POLDIP3: variants seen among roughly 807,000 people sequenced by gnomAD.
The protein encoded by POLDIP3 is polymerase delta-interacting protein 3.
A neutral mutation model predicts 45.1 loss-of-function variants in POLDIP3; 14 were observed. That is an observed-to-expected ratio of 0.31 (90% CI 0.20 to 0.49). The LOEUF is 0.49. POLDIP3 is among the 20% of genes least tolerant of loss of function. POLDIP3 has a pLI of 0.99. For missense variants in POLDIP3, 511 were observed against 538.8 expected (o/e 0.95, Z 0.51); for synonymous variants, 223 against 205.2 (o/e 1.09, Z -0.74).
chr22:42,596,450 G>C, intron 4 of POLDIP3, 85 bp from the exon 5 acceptor site: 1 of 1,336,414 alleles, frequency 7.5e-7, no homozygotes. Flanking sequence ...CTTGCTGAGA[G>C]CATGAACCCT....
intron 1 of POLDIP3, among the ~76,000 whole-genome samples, chr22:42,605,276 C>T (rs547013392): frequency 6.6e-6 from 1 of 152,320 alleles, no homozygotes; most frequent in East Asian, 1.9e-4. Flanking sequence ...TACAGGCGCC[C>T]GCCACCACGG....
chr22:42,601,104 G>A (rs943071150), intron 3 of POLDIP3, among the ~76,000 whole-genome samples: 3 of 151,926 alleles, frequency 2.0e-5, no homozygotes, highest in Non-Finnish European at 4.4e-5. Flanking sequence ...CAAAAAAAAA[G>A]AAGCGTACAT....
chr22:42,608,259 C>A (rs964159230), intron 1 of POLDIP3, among the ~76,000 whole-genome samples: 3 of 130,652 alleles, frequency 2.3e-5, no homozygotes, highest in East Asian at 2.1e-4. Flanking sequence ...CCTTACCCCC[C>A]CCCCCAAAAA....
chr22:42,586,024 G>A (rs539016655), intron 8 of POLDIP3, 56 bp from the exon 9 acceptor site: 37 of 1,494,200 alleles, frequency 2.5e-5, no homozygotes, highest in Admixed American at 6.5e-5. Flanking sequence ...TAGATGGGGA[G>A]GGGACCCACC....
chr22:42,584,883 A>G lies in POLDIP3; in HGVS notation c.*908T>C, dbSNP rs1925195579. On this transcript the variant is annotated 3_prime_UTR_variant, in exon 9 of 9. Coordinates refer to ENST00000252115, the MANE Select transcript of POLDIP3 (RefSeq NM_032311.5). ...AGCCAGGAACAAACTGACCTCTTCC[A>G]TTCAAATAAGCTCCAAACCCAAGCA... The G allele has an allele frequency of 2.2e-6, 1 of 456,150 alleles. No homozygotes were observed. Among genetic ancestry groups the G allele is most frequent in the Non-Finnish European group, 4.4e-6 (1 of 226,958 alleles). The allele number at this position is 456,150 out of a possible 1,614,324, so 28.3% of individuals were successfully genotyped here.
chr22:42,612,663 T>C (rs1009257631), intron 1 of POLDIP3, among the ~76,000 whole-genome samples: 8 of 151,950 alleles, frequency 5.3e-5, no homozygotes, highest in African/African-American at 1.7e-4. Flanking sequence ...CCATCTCTAC[T>C]AAAAATACAA....
In POLDIP3 at chr22:42,589,842, T is replaced by A. The variant is rs9620069; in HGVS notation, c.1021+2113A>T. On this transcript the variant is annotated intron_variant, in intron 7 of 8. Coordinates refer to ENST00000252115, the MANE Select transcript of POLDIP3 (RefSeq NM_032311.5). ...CTGGGTGACAGAGGGAGACTCCGTA[T>A]CAAAAAAAAAAAACAGAACCTCAGT... 1.3e-3 allele frequency among the ~76,000 whole-genome samples: 174 copies of A among 131,114 alleles called. 1 individual carries two copies. The highest frequency in any genetic ancestry group is 4.6e-3 in the African/African-American group (166 of 36,390). The allele number at this position is 131,114 out of a possible 152,430, so 86.0% of individuals were successfully genotyped here. A position where few individuals can be genotyped will look rare whatever the true frequency, so the allele number is the denominator to read the frequency against.
rs1925183152 is a variant in POLDIP3 at position 42,584,700 on chromosome 22, C to A, written c.*1091G>T. The A allele has an allele frequency of 5.6e-6, 2 of 359,436 alleles. No homozygotes were observed. Among genetic ancestry groups the A allele is most frequent in the Admixed American group, 3.8e-5 (1 of 26,502 alleles). The allele number at this position is 359,436 out of a possible 1,614,324, so 22.3% of individuals were successfully genotyped here. A position where few individuals can be genotyped will look rare whatever the true frequency, so the allele number is the denominator to read the frequency against. On this transcript the variant is annotated 3_prime_UTR_variant, in exon 9 of 9. Transcript: ENST00000252115. ...TAGAGCTGCCCTGCTCCCTTGACTC[C>A]TCCTCCTCTGCCAAGGCAGGAAAAT...
Position 42,596,246 on chromosome 22 carries a change from G to A in POLDIP3, c.753C>T (p.Thr251=), listed in dbSNP as rs1925979201. 1 of 1,614,188 alleles carries A rather than the reference G, an allele frequency of 6.2e-7. No homozygotes were observed. The highest frequency in any genetic ancestry group is 8.5e-7 in the Non-Finnish European group (1 of 1,180,028). The change falls in exon 5 of 9, where the codon ACC becomes ACT. Residue 251 remains threonine, a synonymous_variant. Transcript: ENST00000252115. The stretch of plus-strand genomic sequence containing the variant: ...TGTTCACCAGTGTCCGGGACATGTT[G>A]GTCAAGGCTTTTGTTCGAATAGAGG... ...LPSSIRTKAL[T]NMSRTLVNKE...
Position 42,585,045 on chromosome 22 carries a change from C to T in POLDIP3, c.*746G>A, listed in dbSNP as rs1328912960. 1 of 454,918 alleles carries T rather than the reference C, an allele frequency of 2.2e-6. No homozygotes were observed. Among genetic ancestry groups the T allele is most frequent in the African/African-American group, 2.0e-5 (1 of 49,962 alleles). The allele number at this position is 454,918 out of a possible 1,614,324, so 28.2% of individuals were successfully genotyped here. On this transcript the variant is annotated 3_prime_UTR_variant, in exon 9 of 9. Transcript: ENST00000252115. ...CAACACAGCCCCCTCCCAGCAAAGA[C>T]ACCCAGAAGGGAAAGAGAGCTGGGG...
intron 4 of POLDIP3, chr22:42,597,848 T>C (rs1926095941): frequency 1.4e-5 from 6 of 426,614 alleles, no homozygotes; most frequent in South Asian, 3.5e-5. Context: ...TGGCGCAATC[T>C]TGGCTCACTG....
At chr22:42,595,346 G>A (rs555864061) in intron 6 of POLDIP3, among the ~76,000 whole-genome samples, 191 bp downstream of exon 6, 87 of 152,256 alleles carry the variant, frequency 5.7e-4, no homozygotes, top group African/African-American at 2.0e-3. Context: ...CTTGTGCCTC[G>A]TTTCCCCCCG....
At chr22:42,604,844 A>C (rs746461170) in intron 1 of POLDIP3, among the ~76,000 whole-genome samples, 8 of 152,216 alleles carry the variant, frequency 5.3e-5, no homozygotes, top group Non-Finnish European at 7.3e-5. Context: ...TGTCCCCCCA[A>C]AATTCCTCTG....
chr22:42,612,414 C>T (rs1213125810), intron 1 of POLDIP3, among the ~76,000 whole-genome samples: 1 of 152,208 alleles, frequency 6.6e-6, no homozygotes, highest in Non-Finnish European at 1.5e-5. Context: ...TGGTGGTCTG[C>T]GTCTAGAGTC....
Position 42,585,819 on chromosome 22 carries a change from T to A in POLDIP3, c.1238A>T (p.Gln413Leu). ...FKSSGASVTT[Q>L]PTEFKIKL ...AAGCTTGATTTTGAATTCTGTGGGC[T>A]GCGTGGTCACAGAGGCCCCTGAGGA... The change falls in exon 9 of 9, where the codon CAG (glutamine) becomes CTG (leucine). Residue 413 changes from glutamine (Q) to leucine (L), a missense_variant. Gln to Leu is a moderately radical substitution (Grantham distance 113, BLOSUM62 -2). Transcript: ENST00000252115. 1.2e-6 allele frequency: 2 copies of A among 1,612,596 alleles called. No individual in the cohort carries two copies. Among genetic ancestry groups the A allele is most frequent in the Non-Finnish European group, 1.7e-6 (2 of 1,179,898 alleles).
intron 6 of POLDIP3, 62 bp from the exon 7 acceptor site, chr22:42,592,146 C>T: frequency 6.2e-7 from 1 of 1,605,214 alleles, no homozygotes; most frequent in Non-Finnish European, 8.5e-7. Flanking sequence ...CGCTCACACA[C>T]TCTGAAGGCC....
At position 42,591,965 on chromosome 22, in the gene POLDIP3, C is replaced by T. The variant is rs1925691728; in HGVS notation, c.1011G>A (p.Arg337=). The change falls in exon 7 of 9, where the codon CGG becomes CGA. Residue 337 remains arginine (R), a synonymous_variant. Transcript: ENST00000252115. ...TTCTCCCTAACTTACCGTCCAGACA[C>T]CGGTTGTTGTACTTCTTATATGCGG... is the stretch of plus-strand genomic sequence containing the variant. The part of the protein sequence containing the change: ...AITAYKKYNN[R]CLDGQPMKCN... The T allele has an allele frequency of 2.5e-6, 4 of 1,614,204 alleles. No homozygotes were observed. In the African/African-American group the frequency reaches 5.3e-5, roughly 22 times the overall value.
chr22:42,610,405 A>C (rs1927048960), intron 1 of POLDIP3, among the ~76,000 whole-genome samples: 1 of 152,118 alleles, frequency 6.6e-6, no homozygotes, highest in South Asian at 2.1e-4. Context: ...GTCCCCCAAC[A>C]ACCTCCCACT....
intron 7 of POLDIP3, 66 bp downstream of exon 7, chr22:42,591,889 G>A (rs1179973474): frequency 6.2e-7 from 1 of 1,600,696 alleles, no homozygotes; most frequent in Admixed American, 1.7e-5. Flanking sequence ...CCCCTGGAAG[G>A]CCTGCTACCT....
Sources: allele counts gnomAD v4.1 joint callset (sites outside exome capture counted in the v4.1 genomes callset), GRCh38; gene constraint gnomAD v4.1.1; transcripts MANE v1.5; gene names NCBI Gene and HGNC (gene_info 2026-07-23, HGNC 2026-07-21).